EPHA3: variants seen among roughly 807,000 people sequenced by gnomAD.
EPHA3 encodes ephrin type-A receptor 3.
EPHA3 carries 42 observed loss-of-function variants against 107.1 expected under a neutral mutation model. The observed-to-expected ratio is 0.39, with a 90% CI of 0.31 to 0.51. The LOEUF is 0.51. Among genes scored for constraint, EPHA3 ranks in the 20% least tolerant of loss-of-function variants. The probability of loss-of-function intolerance (pLI) is 0.78; values close to 1 mark genes in which losing one functional copy is unlikely to be tolerated. For missense variants in EPHA3, 1,183 were observed against 1,211.2 expected (o/e 0.98, Z 0.35); for synonymous variants, 461 against 424.8 (o/e 1.09, Z -1.05).
intron 3 of EPHA3, among the ~76,000 whole-genome samples, chr3:89,221,317 T>G (rs1256111961): frequency 6.6e-6 from 1 of 152,220 alleles, no homozygotes; most frequent in African/African-American, 2.4e-5. Context: ...CTTAAGCTAT[T>G]CACTTGTTTT....
At chr3:89,254,183 C>T (rs950844788) in intron 3 of EPHA3, among the ~76,000 whole-genome samples, 3 of 151,974 alleles carry the variant, frequency 2.0e-5, no homozygotes, top group Admixed American at 6.6e-5. Context: ...CAATATAAAT[C>T]TCTATAGCTT....
chr3:89,441,134 G>A (rs1709775292), intron 13 of EPHA3, among the ~76,000 whole-genome samples: 1 of 152,188 alleles, frequency 6.6e-6, no homozygotes, highest in South Asian at 2.1e-4. Context: ...CAAAACTGAG[G>A]CCAGAAACCA....
At chr3:89,281,635 A>G (rs1000650639) in intron 3 of EPHA3, among the ~76,000 whole-genome samples, 8 of 152,228 alleles carry the variant, frequency 5.3e-5, no homozygotes, top group Admixed American at 2.6e-4. Context: ...TATTAAAATA[A>G]GTAATTTTAT....
chr3:89,272,503 A>C (rs1207127427), intron 3 of EPHA3, among the ~76,000 whole-genome samples: 2 of 151,972 alleles, frequency 1.3e-5, no homozygotes, highest in Non-Finnish European at 2.9e-5. Context: ...AAGAAATTTT[A>C]ATCCATTAAG....
At chr3:89,260,880 A>T (rs1409043945) in intron 3 of EPHA3, among the ~76,000 whole-genome samples, 1 of 151,598 alleles carries the variant, frequency 6.6e-6, no homozygotes, top group African/African-American at 2.4e-5. Flanking sequence ...TCCTGTTAGG[A>T]CTCTATGGTC....
At chr3:89,139,313 G>C (rs1559748894) in intron 2 of EPHA3, among the ~76,000 whole-genome samples, 1 of 151,852 alleles carries the variant, frequency 6.6e-6, no homozygotes, top group Non-Finnish European at 1.5e-5. Flanking sequence ...TTACTCAAAA[G>C]TCTTCAATAG....
intron 9 of EPHA3, among the ~76,000 whole-genome samples, chr3:89,408,698 GT>G (rs1263169730): frequency 6.6e-6 from 1 of 151,908 alleles, no homozygotes; most frequent in Admixed American, 6.6e-5. Flanking sequence ...CAGAAACAAA[GT>G]GTTTACAACT....
At chr3:89,350,731 TC>T (rs1707792363) in intron 5 of EPHA3, among the ~76,000 whole-genome samples, 1 of 151,026 alleles carries the variant, frequency 6.6e-6, no homozygotes, top group Non-Finnish European at 1.5e-5. Flanking sequence ...TTCTGTTTTT[TC>T]CCCATCTTTG....
chr3:89,268,986 C>T (rs1705600121), intron 3 of EPHA3, among the ~76,000 whole-genome samples: 2 of 151,202 alleles, frequency 1.3e-5, no homozygotes, highest in South Asian at 2.1e-4. Context: ...TAGGATAAAC[C>T]CATGGGCATT....
intron 11 of EPHA3, among the ~76,000 whole-genome samples, chr3:89,428,190 C>G (rs1005954808): frequency 8.6e-5 from 13 of 151,968 alleles, no homozygotes; most frequent in African/African-American, 3.1e-4. Context: ...ACATTTTTCC[C>G]TCATTATCAG....
Position 89,417,056 on chromosome 3 carries a change from G to A in EPHA3, c.1889-2149G>A, listed in dbSNP as rs536847870. Among the ~76,000 whole-genome samples, 4 of 151,522 alleles carry A rather than the reference G, an allele frequency of 2.6e-5. No homozygotes were observed. In the South Asian group the frequency reaches 6.2e-4, roughly 24 times the overall value. The stretch of plus-strand genomic sequence containing the variant: ...GGTAGTTAGGCAATTTATCCTTTAG[G>A]TGGGTCTGAACTCAGAGAGATAAAT... On this transcript the variant is annotated intron_variant, in intron 10 of 16. Coordinates refer to ENST00000336596, the MANE Select transcript of EPHA3 (RefSeq NM_005233.6).
At chr3:89,306,596 G>T (rs1390213285) in intron 3 of EPHA3, among the ~76,000 whole-genome samples, 3 of 152,234 alleles carry the variant, frequency 2.0e-5, no homozygotes, top group Admixed American at 1.3e-4. Context: ...GGAATGGGCT[G>T]TACAATGGCA....
intron 3 of EPHA3, among the ~76,000 whole-genome samples, chr3:89,336,293 A>G (rs1177797244): frequency 6.6e-6 from 1 of 152,132 alleles, no homozygotes; most frequent in Non-Finnish European, 1.5e-5. Context: ...TCAATATACA[A>G]TCATTGTCTT....
chr3:89,477,351 C>G (rs1342407130), intron 16 of EPHA3, among the ~76,000 whole-genome samples: 1 of 152,154 alleles, frequency 6.6e-6, no homozygotes, highest in Non-Finnish European at 1.5e-5. Context: ...AGCCCTTTGA[C>G]AGTCAGCAGG....
At chr3:89,446,500 C>G (rs932972842) in intron 13 of EPHA3, among the ~76,000 whole-genome samples, 1 of 152,172 alleles carries the variant, frequency 6.6e-6, no homozygotes, top group Admixed American at 6.5e-5. Flanking sequence ...TGAAACAACT[C>G]TTCTGTGTTT....
intron 2 of EPHA3, among the ~76,000 whole-genome samples, chr3:89,151,519 GGTC>G (rs1309298983): frequency 1.3e-5 from 2 of 152,024 alleles, no homozygotes; most frequent in Non-Finnish European, 2.9e-5. Context: ...TATGACTTAG[GGTC>G]AGCATAGTGA....
chr3:89,184,890 C>T (rs1705528676), intron 2 of EPHA3, among the ~76,000 whole-genome samples: 1 of 152,042 alleles, frequency 6.6e-6, no homozygotes, highest in South Asian at 2.1e-4. Flanking sequence ...AGTCTAAGTG[C>T]TCCCAAATCT....
At chr3:89,248,592 A>T (rs1421886403) in intron 3 of EPHA3, among the ~76,000 whole-genome samples, 1 of 152,240 alleles carries the variant, frequency 6.6e-6, no homozygotes, top group Non-Finnish European at 1.5e-5. Context: ...AACACTGTAT[A>T]TAATGAATAT....
chr3:89,207,328 T>C (rs1309696977), intron 2 of EPHA3, among the ~76,000 whole-genome samples: 1 of 152,140 alleles, frequency 6.6e-6, no homozygotes. Flanking sequence ...TAGGGACTGC[T>C]GAAGGAGAAA....
Sources: gnomAD v4.1 joint callset for allele counts (sites outside exome capture counted in the v4.1 genomes callset) on GRCh38, gnomAD v4.1.1 for gene constraint, MANE v1.5 for transcripts, NCBI Gene and HGNC (gene_info 2026-07-23, HGNC 2026-07-21) for gene names.